Variants in WWOX observed in about 807,000 individuals in gnomAD.
The protein encoded by WWOX is WW domain-containing oxidoreductase.
In WWOX, 69 loss-of-function variants were observed where a neutral mutation model predicts 46.2. That is an observed-to-expected ratio of 1.49 (90% CI 1.23 to 1.82). The LOEUF is 1.82. WWOX is among the 40% of genes most tolerant of loss of function. WWOX has a pLI of 0.00. For missense variants in WWOX, 919 were observed against 542.6 expected (o/e 1.69, Z -6.89); for synonymous variants, 359 against 202.6 (o/e 1.77, Z -6.56).
chr16:78,973,201 C>G (rs1184904670), intron 8 of WWOX, among the ~76,000 whole-genome samples: 1 of 152,138 alleles, frequency 6.6e-6, no homozygotes, highest in Non-Finnish European at 1.5e-5. Flanking sequence ...AAGATAAAGG[C>G]CCTTATTACA....
chr16:78,619,728 G>T (rs2046130583), intron 8 of WWOX, among the ~76,000 whole-genome samples: 1 of 151,784 alleles, frequency 6.6e-6, no homozygotes. Flanking sequence ...AACATCATGA[G>T]ACCCCATCTG....
At chr16:78,297,609 C>G (rs74029870) in intron 5 of WWOX, among the ~76,000 whole-genome samples, 5,873 of 152,132 alleles carry the variant, frequency 0.039, 414 homozygotes, top group African/African-American at 0.14. Flanking sequence ...ATTTTTTTAA[C>G]TCTTAAAATG....
At chr16:78,861,831 A>G (rs1016090161) in intron 8 of WWOX, among the ~76,000 whole-genome samples, 5 of 152,226 alleles carry the variant, frequency 3.3e-5, no homozygotes, top group African/African-American at 1.2e-4. Flanking sequence ...CACAAAAGAA[A>G]TTAAATACAC....
chr16:78,691,575 G>C (rs531642364), intron 8 of WWOX, among the ~76,000 whole-genome samples: 2 of 152,072 alleles, frequency 1.3e-5, no homozygotes, highest in Non-Finnish European at 1.5e-5. Flanking sequence ...GGGTATAGTG[G>C]TGTGCACCTG....
intron 8 of WWOX, among the ~76,000 whole-genome samples, chr16:79,133,350 T>G (rs2049919665): frequency 6.6e-6 from 1 of 152,170 alleles, no homozygotes; most frequent in Non-Finnish European, 1.5e-5. Flanking sequence ...CCCCTCAACA[T>G]TAACGGGGAA....
intron 8 of WWOX, among the ~76,000 whole-genome samples, chr16:78,956,522 G>C (rs565753754): frequency 6.6e-6 from 1 of 152,188 alleles, no homozygotes; most frequent in South Asian, 2.1e-4. Context: ...AGGTTCATTA[G>C]GTTCACAGTT....
At chr16:79,183,509 G>C (rs1001407375) in intron 8 of WWOX, among the ~76,000 whole-genome samples, 10 of 152,038 alleles carry the variant, frequency 6.6e-5, no homozygotes, top group African/African-American at 2.4e-4. Flanking sequence ...ATTTTTTTCT[G>C]TGTCTCTGAA....
intron 8 of WWOX, among the ~76,000 whole-genome samples, chr16:78,687,767 G>C (rs2047896278): frequency 6.6e-6 from 1 of 151,988 alleles, no homozygotes; most frequent in Admixed American, 6.5e-5. Flanking sequence ...ATATTCTCCA[G>C]GTCTGACTAT....
At chr16:78,213,838 G>A (rs556955360) in intron 5 of WWOX, among the ~76,000 whole-genome samples, 20 of 152,188 alleles carry the variant, frequency 1.3e-4, no homozygotes, top group African/African-American at 3.6e-4. Flanking sequence ...AAGTGTATTC[G>A]GTGCCTGAGT....
intron 8 of WWOX, among the ~76,000 whole-genome samples, chr16:79,010,621 C>A (rs146361995): frequency 6.6e-6 from 1 of 151,792 alleles, no homozygotes; most frequent in Non-Finnish European, 1.5e-5. Flanking sequence ...TGGTATGAAA[C>A]AAATCAGGGA....
At position 78,989,821 on chromosome 16, in the gene WWOX, C is replaced by CGTGTGTGTGTGTGT. The variant is rs71384389; in HGVS notation, c.1057-221765_1057-221752dup. Among the ~76,000 whole-genome samples the CGTGTGTGTGTGTGT allele has an allele frequency of 2.9e-4, 40 of 136,506 alleles. No individual in the cohort carries two copies. The South Asian group carries it at 7.0e-3, about 24-fold the overall frequency. 89.6% of individuals were successfully genotyped at this position (136,506 alleles called of 152,430 possible). A position where few individuals can be genotyped will look rare whatever the true frequency, so the allele number is the denominator to read the frequency against. The stretch of plus-strand genomic sequence containing the variant: ...AAGTGAGACAGAGGTGGTGTGTGAG[C>CGTGTGTGTGTGTGT]GTGTGTGTGTGTGTGTGTGTGTGTG... On this transcript the variant is annotated intron_variant, in intron 8 of 8. Transcript: ENST00000566780.
intron 8 of WWOX, among the ~76,000 whole-genome samples, chr16:78,464,923 C>G (rs570977767): frequency 4.3e-4 from 66 of 152,348 alleles, no homozygotes; most frequent in South Asian, 1.7e-3. Context: ...AAGAGATTTA[C>G]TGAACTCAGT....
rs905957939 is a variant in WWOX, at chr16:78,509,449, A to T, written c.1056+76697A>T. Among the ~76,000 whole-genome samples, 12 of 151,928 alleles carry T rather than the reference A, an allele frequency of 7.9e-5. No homozygotes were observed. The South Asian group carries it at 8.3e-4, about 11-fold the overall frequency. ...GCGAGACTCAGTCTCAAAAAAAAAA[A>T]AATAATATAATAATAATAATAATCG... On this transcript the variant is annotated intron_variant, in intron 8 of 8. Coordinates refer to ENST00000566780, the MANE Select transcript of WWOX (RefSeq NM_016373.4).
intron 8 of WWOX, among the ~76,000 whole-genome samples, chr16:78,941,801 T>A (rs181495645): frequency 4.7e-4 from 71 of 152,314 alleles, no homozygotes; most frequent in African/African-American, 1.6e-3. Flanking sequence ...AAGAAGTACT[T>A]CATGTAAGTC....
intron 8 of WWOX, chr16:78,891,937 C>T (rs1024386701): frequency 3.9e-5 from 6 of 152,144 alleles, no homozygotes; most frequent in African/African-American, 1.2e-4. Flanking sequence ...TTGATATGGT[C>T]AGTGTAGGTC....
intron 8 of WWOX, among the ~76,000 whole-genome samples, chr16:79,088,983 C>G (rs186706821): frequency 3.3e-4 from 51 of 152,262 alleles, no homozygotes; most frequent in African/African-American, 1.2e-3. Flanking sequence ...ATAGGATGAA[C>G]TCAATGTACC....
chr16:78,513,195 C>G (rs1439915368), intron 8 of WWOX, among the ~76,000 whole-genome samples: 1 of 152,060 alleles, frequency 6.6e-6, no homozygotes, highest in Non-Finnish European at 1.5e-5. Context: ...TGGAAGGAGA[C>G]AGGATATGAA....
At chr16:78,953,243 G>A (rs1194901604) in intron 8 of WWOX, among the ~76,000 whole-genome samples, 4 of 151,010 alleles carry the variant, frequency 2.6e-5, no homozygotes, top group Non-Finnish European at 5.9e-5. Flanking sequence ...GATTCTCCTT[G>A]GTCTATATAG....
intron 8 of WWOX, among the ~76,000 whole-genome samples, chr16:78,494,472 T>C (rs1485093166): frequency 1.3e-5 from 1 of 79,816 alleles, no homozygotes; most frequent in Non-Finnish European, 3.4e-5. Context: ...TAAATAAGAT[T>C]GATACAAACA....
Sources: allele counts gnomAD v4.1 joint callset (sites outside exome capture counted in the v4.1 genomes callset), GRCh38; gene constraint gnomAD v4.1.1; transcripts MANE v1.5; gene names NCBI Gene and HGNC (gene_info 2026-07-23, HGNC 2026-07-21).